Variants in GRIK2 observed in about 807,000 individuals in gnomAD.
GRIK2 encodes the protein glutamate ionotropic receptor kainate type subunit 2.
GRIK2 carries 32 observed loss-of-function variants against 100.3 expected under a neutral mutation model. The observed-to-expected ratio is 0.32, with a 90% CI of 0.24 to 0.43. The LOEUF (loss-of-function observed/expected upper bound fraction) is 0.43. Ranked by LOEUF, GRIK2 falls within the 20% of genes least tolerant of loss-of-function variation. GRIK2 has a pLI of 1.00. For missense variants in GRIK2, 843 were observed against 1,114.9 expected, an observed-to-expected ratio of 0.76 and a Z score of 3.47; for synonymous variants, 417 against 389.4, an observed-to-expected ratio of 1.07 and a Z score of -0.83.
intron 4 of GRIK2, among the ~76,000 whole-genome samples, chr6:101,633,103 G>C (rs1459241353): frequency 5.3e-5 from 8 of 152,048 alleles, no homozygotes; most frequent in Admixed American, 5.2e-4. Flanking sequence ...TAAAAAGCTA[G>C]CGTAGGAGAG....
intron 4 of GRIK2, among the ~76,000 whole-genome samples, chr6:101,641,908 A>G (rs1431868607): frequency 2.0e-5 from 3 of 151,938 alleles, no homozygotes; most frequent in Non-Finnish European, 4.4e-5. Flanking sequence ...GAGTAAATCC[A>G]AATTATGCAG....
chr6:101,625,610 G>C (rs1287980487), intron 3 of GRIK2, among the ~76,000 whole-genome samples: 1 of 152,016 alleles, frequency 6.6e-6, no homozygotes, highest in Non-Finnish European at 1.5e-5. Context: ...CTTATAGAAA[G>C]TTCAGGTCAT....
chr6:102,053,150 T>TTGA (rs1771290846), intron 15 of GRIK2, among the ~76,000 whole-genome samples: 1 of 151,776 alleles, frequency 6.6e-6, no homozygotes, highest in African/African-American at 2.4e-5. Flanking sequence ...TTACAACTTT[T>TTGA]TGATAACCAG....
At chr6:101,817,507 ATC>A (rs1167840976) in intron 9 of GRIK2, among the ~76,000 whole-genome samples, 4 of 152,166 alleles carry the variant, frequency 2.6e-5, no homozygotes, top group Non-Finnish European at 5.9e-5. Context: ...CTGATTTCAC[ATC>A]TTCTTTTGCC....
chr6:101,823,329 TAGAG>T (rs1253557848), intron 10 of GRIK2, among the ~76,000 whole-genome samples: 5 of 151,546 alleles, frequency 3.3e-5, no homozygotes, highest in South Asian at 2.1e-4. Flanking sequence ...TAAATTTACA[TAGAG>T]AGCATTAAAC....
intron 2 of GRIK2, among the ~76,000 whole-genome samples, chr6:101,597,465 A>C (rs796419016): frequency 1.4e-4 from 22 of 151,898 alleles, no homozygotes; most frequent in African/African-American, 4.1e-4. Flanking sequence ...TGTATACTGA[A>C]AAGACAGGGT....
intron 10 of GRIK2, among the ~76,000 whole-genome samples, chr6:101,839,618 T>C (rs2128433509): frequency 6.6e-6 from 1 of 152,324 alleles, no homozygotes; most frequent in East Asian, 1.9e-4. Context: ...GGTGGAATTG[T>C]TGTTCACTGG....
intron 4 of GRIK2, among the ~76,000 whole-genome samples, chr6:101,633,466 C>A (rs1341535722): frequency 6.6e-6 from 1 of 152,078 alleles, no homozygotes; most frequent in Non-Finnish European, 1.5e-5. Context: ...TCATACTTCA[C>A]AGGATTGTTG....
At chr6:102,064,626 CTCTACT>C (rs1009140660) in intron 16 of GRIK2, among the ~76,000 whole-genome samples, 3 of 150,902 alleles carry the variant, frequency 2.0e-5, no homozygotes, top group Non-Finnish European at 4.5e-5. Context: ...GACAATTTGT[CTCTACT>C]TAATGATAAT....
intron 15 of GRIK2, among the ~76,000 whole-genome samples, chr6:102,047,991 G>T (rs1770984862): frequency 6.6e-6 from 1 of 151,358 alleles, no homozygotes; most frequent in African/African-American, 2.4e-5. Context: ...AAATAGCATG[G>T]TACTGCCCCC....
rs771039873 is a variant in GRIK2 at position 101,924,557 on chromosome 6, C to T, written c.1749-44C>T. 5.5e-5 allele frequency: 53 copies of T among 968,924 alleles called. No homozygotes were observed. In the Middle Eastern group the frequency reaches 2.2e-3, roughly 40 times the overall value. The allele number at this position is 968,924 out of a possible 1,614,324, so 60.0% of individuals were successfully genotyped here. ...AAAAAATGCTGGATAGAATTTCTTC[C>T]CACTGCAATTTAAATGTATTCTTTT... On this transcript the variant is annotated intron_variant, in intron 12 of 16. Transcript: ENST00000369134.
intron 10 of GRIK2, among the ~76,000 whole-genome samples, chr6:101,828,964 G>T (rs1404557843): frequency 1.3e-5 from 2 of 151,856 alleles, no homozygotes; most frequent in Admixed American, 6.6e-5. Flanking sequence ...CAACAAAGAA[G>T]AAAACTATAG....
intron 10 of GRIK2, among the ~76,000 whole-genome samples, chr6:101,857,408 C>G (rs576965537): frequency 6.7e-4 from 102 of 152,234 alleles, no homozygotes; most frequent in African/African-American, 2.3e-3. Flanking sequence ...GTGCATACAA[C>G]TGTATAGAGA....
At chr6:101,658,444 A>T (rs559949965) in intron 4 of GRIK2, among the ~76,000 whole-genome samples, 31 of 152,266 alleles carry the variant, frequency 2.0e-4, no homozygotes, top group African/African-American at 7.2e-4. Flanking sequence ...CTCTTTATCC[A>T]GTCTATCATT....
At chr6:101,430,414 C>T in intron 2 of GRIK2, 1 of 211,230 alleles carries the variant, frequency 4.7e-6, no homozygotes, top group Non-Finnish European at 1.0e-5. Flanking sequence ...GCCTATTCTG[C>T]TGGGTGATCC....
intron 4 of GRIK2, among the ~76,000 whole-genome samples, chr6:101,664,054 G>C (rs1769830771): frequency 6.6e-6 from 1 of 152,204 alleles, no homozygotes; most frequent in Non-Finnish European, 1.5e-5. Context: ...AAAGAGAACA[G>C]AGAAACAAAG....
chr6:101,817,840 C>T (rs1009367176), intron 9 of GRIK2, among the ~76,000 whole-genome samples: 2 of 152,158 alleles, frequency 1.3e-5, no homozygotes, highest in Non-Finnish European at 2.9e-5. Context: ...TGCAAAGATG[C>T]GTTTTTAAAT....
chr6:101,901,199 GT>G (rs1183985572), intron 12 of GRIK2, among the ~76,000 whole-genome samples: 2 of 151,542 alleles, frequency 1.3e-5, no homozygotes, highest in African/African-American at 4.8e-5. Context: ...ACAAACCTAT[GT>G]TTTTTTATGT....
chr6:101,806,617 C>A (rs928175770), intron 9 of GRIK2, among the ~76,000 whole-genome samples: 2 of 147,982 alleles, frequency 1.4e-5, no homozygotes, highest in African/African-American at 2.5e-5. Flanking sequence ...TCTGCCCTAC[C>A]TACAGAGGGT....
Sources: gnomAD v4.1 joint callset for allele counts (sites outside exome capture counted in the v4.1 genomes callset) on GRCh38, gnomAD v4.1.1 for gene constraint, MANE v1.5 for transcripts, NCBI Gene and HGNC (gene_info 2026-07-23, HGNC 2026-07-21) for gene names.